The following ATP5PD variants were observed in gnomAD, a reference collection of about 807,000 sequenced individuals.
ATP5PD encodes the protein ATP synthase peripheral stalk subunit d.
Under a neutral mutation model 22.6 loss-of-function variants are expected in ATP5PD, and 13 were observed. The ratio of observed to expected loss-of-function variants is 0.58; its 90% CI spans 0.37 to 0.91. The LOEUF (loss-of-function observed/expected upper bound fraction) is 0.91, where lower values mean the gene tolerates loss of function less well. Among genes scored for constraint, ATP5PD ranks in the 40% least tolerant of loss-of-function variants. The pLI, the probability that ATP5PD is intolerant of heterozygous loss-of-function variation, is 0.00. For missense variants in ATP5PD, 165 were observed against 188.0 expected, an observed-to-expected ratio of 0.88 and a Z score of 0.72; for synonymous variants, 51 against 65.0, an observed-to-expected ratio of 0.79 and a Z score of 1.03.
intron 1 of ATP5PD, among the ~76,000 whole-genome samples, chr17:75,045,374 T>A (rs188587459): frequency 6.6e-6 from 1 of 152,332 alleles, no homozygotes; most frequent in East Asian, 1.9e-4. Flanking sequence ...GACAGGGTTT[T>A]CAGATCAACC....
intron 2 of ATP5PD, 126 bp from the exon 3 acceptor site, chr17:75,042,403 T>C (rs746986507): frequency 8.0e-6 from 12 of 1,507,492 alleles, no homozygotes; most frequent in Non-Finnish European, 1.1e-5. Context: ...AAGATCATCA[T>C]GAAAATGCAA....
chr17:75,039,818 C>G, intron 4 of ATP5PD: 1 of 459,258 alleles, frequency 2.2e-6, no homozygotes, highest in Non-Finnish European at 3.9e-6. Context: ...GCAGTCCCCT[C>G]TCAACCATCC....
At chr17:75,043,820 T>G (rs936098327) in intron 1 of ATP5PD, among the ~76,000 whole-genome samples, 1 of 152,098 alleles carries the variant, frequency 6.6e-6, no homozygotes, top group Admixed American at 6.6e-5. Context: ...TAGGCTAAAA[T>G]TTACTTATGT....
chr17:75,039,278 GAAGA>G lies in ATP5PD; in HGVS notation c.292-11_292-8del, dbSNP rs1471275142. The G allele has an allele frequency of 6.2e-7, 1 of 1,613,898 alleles. No individual in the cohort carries two copies. The highest frequency in any genetic ancestry group is 1.1e-5 in the South Asian group (1 of 91,080). On this transcript the variant is annotated splice_region_variant and splice_polypyrimidine_tract_variant and intron_variant, in intron 4 of 5. Coordinates refer to ENST00000301587, the MANE Select transcript of ATP5PD (RefSeq NM_006356.3). ...ACTCAGCACAAGATTTCACCTTTAA[GAAGA>G]AAGAGAAATTCAGTTCTGAAACCAG... is the stretch of plus-strand genomic sequence containing the variant.
Position 75,042,676 on chromosome 17 carries a change from A to AT in ATP5PD, c.-9-18dup, listed in dbSNP as rs2073173071. ...TTTGGGATCCTGAAAAATAAGTCAAATAAAAACAAGGCTTTTTTATGAGGT... is the reference window on the plus strand; with the variant it reads ...TTTGGGATCCTGAAAAATAAGTCAAATTAAAAACAAGGCTTTTTTATGAGGT... On this transcript the variant is annotated splice_polypyrimidine_tract_variant and intron_variant, in intron 1 of 5. Transcript: ENST00000301587. 1.9e-6 allele frequency: 3 copies of AT among 1,588,974 alleles called. No individual in the cohort carries two copies. The South Asian group carries it at 3.5e-5, about 18-fold the overall frequency.
chr17:75,039,465 G>A, intron 4 of ATP5PD, 194 bp from the exon 5 acceptor site: 1 of 567,536 alleles, frequency 1.8e-6, no homozygotes, highest in Non-Finnish European at 3.1e-6. Flanking sequence ...AAGCCCATAT[G>A]GAAAACCAGC....
intron 1 of ATP5PD, among the ~76,000 whole-genome samples, chr17:75,043,088 G>A (rs1272484082): frequency 6.6e-6 from 1 of 150,878 alleles, no homozygotes; most frequent in Admixed American, 6.6e-5. Flanking sequence ...CAGCCGTGGT[G>A]GCCCGCGCCA....
chr17:75,040,676 G>A (rs112940908), intron 3 of ATP5PD: 2,530 of 154,366 alleles, frequency 0.016, 62 homozygotes, highest in African/African-American at 0.057. Flanking sequence ...ACCTAAGGTC[G>A]GGAGTTCGAG....
intron 2 of ATP5PD, 79 bp from the exon 3 acceptor site, chr17:75,042,356 T>G (rs976887005): frequency 5.9e-6 from 9 of 1,530,340 alleles, no homozygotes; most frequent in Non-Finnish European, 6.3e-6. Context: ...TATCCCTTCT[T>G]CCTATGGCCT....
chr17:75,042,714 G>A, intron 1 of ATP5PD, 55 bp from the exon 2 acceptor site: 1 of 1,519,794 alleles, frequency 6.6e-7, no homozygotes, highest in Non-Finnish European at 8.9e-7. Context: ...ATTTTCAGTT[G>A]GGAAAAATGA....
intron 1 of ATP5PD, among the ~76,000 whole-genome samples, chr17:75,045,294 G>A (rs1172480955): frequency 6.6e-6 from 1 of 152,194 alleles, no homozygotes; most frequent in Admixed American, 6.6e-5. Flanking sequence ...CAAGACCACA[G>A]GACCAGAGCG....
chr17:75,043,765 C>A (rs1297195718), intron 1 of ATP5PD, among the ~76,000 whole-genome samples: 2 of 152,144 alleles, frequency 1.3e-5, no homozygotes, highest in East Asian at 3.8e-4. Context: ...TAGACAGAAA[C>A]TGACACACAC....
chr17:75,041,078 G>T (rs2073155059), intron 3 of ATP5PD: 1 of 152,014 alleles, frequency 6.6e-6, no homozygotes, highest in Non-Finnish European at 1.5e-5. Flanking sequence ...AAAAGCAGAG[G>T]CTGGGCATGG....
At chr17:75,046,399 T>C (rs1263046825) in intron 1 of ATP5PD, among the ~76,000 whole-genome samples, 2 of 152,166 alleles carry the variant, frequency 1.3e-5, no homozygotes, top group Non-Finnish European at 2.9e-5. Context: ...TTTTAATTCT[T>C]AAAAATCTAT....
In ATP5PD at chr17:75,038,932, T is replaced by G; in HGVS notation, c.486A>C (p.Ter162TyrextTer2). 1 of 1,612,170 alleles carries G rather than the reference T, an allele frequency of 6.2e-7. No homozygotes were observed. The highest frequency in any genetic ancestry group is 8.5e-7 in the Non-Finnish European group (1 of 1,179,416). The change falls in exon 6 of 6, where the codon TAA (stop) becomes TAC (tyrosine). Residue 162 changes from the stop codon to tyrosine, a stop_lost. Transcript: ENST00000301587. ...YWPHQPIENL[*>Y] ...CCAGAGCTTCCTCCTGGACTCAATTTTATAAATTCTCAATTGGTTGGTGAG... is the reference window on the plus strand; with the variant it reads ...CCAGAGCTTCCTCCTGGACTCAATTGTATAAATTCTCAATTGGTTGGTGAG...
chr17:75,044,709 TA>T (rs962873090), intron 1 of ATP5PD, among the ~76,000 whole-genome samples: 105 of 151,430 alleles, frequency 6.9e-4, no homozygotes, highest in African/African-American at 2.4e-3. Flanking sequence ...TACAGCCACT[TA>T]AAAAAAAAGT....
intron 1 of ATP5PD, among the ~76,000 whole-genome samples, chr17:75,044,014 C>T (rs552888230): frequency 2.0e-5 from 3 of 148,258 alleles, no homozygotes; most frequent in African/African-American, 5.1e-5. Flanking sequence ...CACCAGCACA[C>T]GTTGTGCACT....
intron 1 of ATP5PD, among the ~76,000 whole-genome samples, chr17:75,044,566 T>C (rs2073193954): frequency 6.6e-6 from 1 of 151,206 alleles, no homozygotes; most frequent in South Asian, 2.1e-4. Context: ...GGGCTGAAAC[T>C]CCAGACCTCA....
At chr17:75,046,176 G>A (rs1158911611) in intron 1 of ATP5PD, among the ~76,000 whole-genome samples, 1 of 152,196 alleles carries the variant, frequency 6.6e-6, no homozygotes, top group East Asian at 1.9e-4. Flanking sequence ...TCCGCCTCCC[G>A]GGTTCAAGCG....
Sources: allele counts gnomAD v4.1 joint callset (sites outside exome capture counted in the v4.1 genomes callset), GRCh38; gene constraint gnomAD v4.1.1; transcripts MANE v1.5; gene names NCBI Gene and HGNC (gene_info 2026-07-23, HGNC 2026-07-21).